The following TCOF1 variants were observed in gnomAD, a reference collection of about 807,000 sequenced individuals.
The protein encoded by TCOF1 is treacle protein.
TCOF1 carries 33 observed loss-of-function variants against 149.0 expected under a neutral mutation model. That is an observed-to-expected ratio of 0.22 (90% CI 0.17 to 0.30). The LOEUF (loss-of-function observed/expected upper bound fraction) is 0.30. TCOF1 is among the 10% of genes least tolerant of loss of function. TCOF1 has a pLI of 1.00. For synonymous variants in TCOF1, 789 were observed against 738.8 expected (o/e 1.07, Z -1.10); for missense variants, 1,728 against 1,840.7 (o/e 0.94, Z 1.12).
chr5:150,367,102 A>G (rs1445607887), intron 3 of TCOF1, among the ~76,000 whole-genome samples: 3 of 151,946 alleles, frequency 2.0e-5, no homozygotes, highest in Non-Finnish European at 4.4e-5. Flanking sequence ...TCAGGAGATC[A>G]AGACCATCCT....
At chr5:150,369,081 G>C (rs1473779805) in intron 5 of TCOF1, among the ~76,000 whole-genome samples, 179 bp downstream of exon 5, 1 of 152,252 alleles carries the variant, frequency 6.6e-6, no homozygotes, top group Non-Finnish European at 1.5e-5. Context: ...AGCTTACAGG[G>C]ACCTGGCCTC....
At chr5:150,375,233 C>A in intron 10 of TCOF1, 70 bp downstream of exon 10, 1 of 1,611,154 alleles carries the variant, frequency 6.2e-7, no homozygotes. Context: ...TTGACTTTTC[C>A]TCTCTGAACC....
intron 11 of TCOF1, 63 bp downstream of exon 11, chr5:150,375,617 G>A (rs1763594781): frequency 3.1e-6 from 5 of 1,612,692 alleles, no homozygotes; most frequent in Non-Finnish European, 4.2e-6. Context: ...GCTGCCTGTG[G>A]CCTCCCAACC....
chr5:150,368,837 C>T lies in TCOF1; in HGVS notation c.500C>T (p.Thr167Ile). Residue 167 changes from threonine (T) to isoleucine (I), a missense_variant, in exon 5 of 27, where the codon ACT becomes ATT. Thr to Ile is a moderately conservative substitution (Grantham distance 89). Coordinates refer to ENST00000643257, the MANE Select transcript of TCOF1 (RefSeq NM_001371623.1). ...PRKSAEPSAN[T>I]TLVSETEEEG... ...AAGTCAGCAGAGCCCTCAGCAAATA[C>T]TACGTTGGTCTCAGAAACTGAGGAG... The T allele has an allele frequency of 6.2e-7, 1 of 1,614,066 alleles. No homozygotes were observed. Among genetic ancestry groups the T allele is most frequent in the Non-Finnish European group, 8.5e-7 (1 of 1,180,032 alleles).
rs1320836271 is a variant in TCOF1, at chr5:150,376,554, G to A, written c.2274G>A (p.Lys758=). ...CAGTCACCCAGGTGAAAGCTGAAAA[G>A]CAGGAAGACTCTGAGAGCAGTGAGG... ...GPTVTQVKAE[K]QEDSESSEEE... Residue 758 remains lysine, a synonymous_variant, in exon 14 of 27, where the codon AAG becomes AAA. Transcript: ENST00000643257. 1.9e-6 allele frequency: 3 copies of A among 1,603,912 alleles called. No individual in the cohort carries two copies. The highest frequency in any genetic ancestry group is 1.3e-5 in the African/African-American group (1 of 74,672).
At chr5:150,397,542 G>A (rs1015480906) in intron 24 of TCOF1, among the ~76,000 whole-genome samples, 3 of 152,166 alleles carry the variant, frequency 2.0e-5, no homozygotes, top group South Asian at 2.1e-4. Context: ...GCTCGGGCTC[G>A]GAGAAGTAGA....
intron 23 of TCOF1, chr5:150,394,225 G>A (rs1180850772): frequency 6.5e-6 from 1 of 154,062 alleles, no homozygotes; most frequent in African/African-American, 2.4e-5. Context: ...ATAGGCTCAC[G>A]GTGTGGGCCT....
intron 14 of TCOF1, 67 bp from the exon 15 acceptor site, chr5:150,378,838 G>A (rs199540237): frequency 5.1e-5 from 82 of 1,610,962 alleles, no homozygotes; most frequent in Non-Finnish European, 6.8e-5. Flanking sequence ...TCCAGAGTCT[G>A]TATTCTTGGC....
At chr5:150,379,842 C>T (rs1011855894) in intron 17 of TCOF1, 110 bp downstream of exon 17, 3 of 1,345,672 alleles carry the variant, frequency 2.2e-6, no homozygotes, top group Admixed American at 2.0e-5. Context: ...GAGGCCGAGG[C>T]AGATGTATCA....
chr5:150,373,912 A>G (rs1024603476), intron 7 of TCOF1, among the ~76,000 whole-genome samples: 2 of 152,154 alleles, frequency 1.3e-5, no homozygotes, highest in South Asian at 2.1e-4. Flanking sequence ...GGTGTCTCTT[A>G]GGGAGCCAGA....
In TCOF1 at chr5:150,376,461, C is replaced by A. The variant is rs746764771; in HGVS notation, c.2181C>A (p.Ala727=). The change falls in exon 14 of 27, where the codon GCC becomes GCA. Residue 727 remains alanine, a synonymous_variant. Coordinates refer to ENST00000643257, the MANE Select transcript of TCOF1 (RefSeq NM_001371623.1). ...SVGKGLQVKA[A]SVPVKGSLGQ... is the part of the protein sequence containing the mutation. ...GGAAAGGCCTCCAGGTGAAAGCAGC[C>A]TCAGTGCCTGTCAAGGGGTCCTTGG... 8.1e-6 allele frequency: 13 copies of A among 1,614,108 alleles called. 1 individual carries two copies. In the Admixed American group the frequency reaches 1.0e-4, roughly 12 times the overall value.
At chr5:150,384,630 T>C in intron 17 of TCOF1, 1 of 985,442 alleles carries the variant, frequency 1.0e-6, no homozygotes, top group Non-Finnish European at 1.2e-6. Context: ...ACATCCTGCT[T>C]AAACTGAACC....
In TCOF1 at chr5:150,370,557, T is replaced by C. The variant is rs1383451803; in HGVS notation, c.639+955T>C. ...TTTTTGTGGAGACAGGGTTTCACCA[T>C]GTTGGCCAGGCTAGTCTCGAACTCC... On this transcript the variant is annotated intron_variant, in intron 6 of 26. Coordinates refer to ENST00000643257, the MANE Select transcript of TCOF1 (RefSeq NM_001371623.1). Among the ~76,000 whole-genome samples the C allele has an allele frequency of 3.9e-5, 6 of 152,104 alleles. No individual in the cohort carries two copies. The East Asian group carries it at 1.2e-3, about 30-fold the overall frequency.
intron 14 of TCOF1, 124 bp from the exon 15 acceptor site, chr5:150,378,781 A>T: frequency 7.2e-7 from 1 of 1,386,024 alleles, no homozygotes; most frequent in South Asian, 1.2e-5. Flanking sequence ...GCTCAGGTTC[A>T]CACGCCTATT....
chr5:150,386,430 C>T (rs1057503470), intron 17 of TCOF1, among the ~76,000 whole-genome samples: 6 of 152,158 alleles, frequency 3.9e-5, no homozygotes, highest in African/African-American at 1.4e-4. Context: ...AGTGGCAGAT[C>T]GGAGCAGCCG....
At chr5:150,384,590 T>A (rs1765894010) in intron 17 of TCOF1, 1 of 985,366 alleles carries the variant, frequency 1.0e-6, no homozygotes, top group Admixed American at 6.1e-5. Flanking sequence ...CCCCTTTCTC[T>A]GTGGGGGTGG....
chr5:150,383,035 G>A lies in TCOF1; in HGVS notation c.2859+3303G>A, dbSNP rs112447402. ...AGCAAATGCCCCACTCCCCGACCAC[G>A]TGCTTATCCAGGTCTTGTCCCCTCA... On this transcript the variant is annotated intron_variant, in intron 17 of 26. Coordinates refer to ENST00000643257, the MANE Select transcript of TCOF1 (RefSeq NM_001371623.1). The A allele has an allele frequency of 1.0e-2, 15,088 of 1,515,362 alleles. 136 individuals carry two copies. Among genetic ancestry groups the A allele is most frequent in the Middle Eastern group, 0.018 (109 of 5,896 alleles). The allele number at this position is 1,515,362 out of a possible 1,614,324, so 93.9% of individuals were successfully genotyped here.
At chr5:150,363,837 C>T (rs1490171474) in intron 2 of TCOF1, among the ~76,000 whole-genome samples, 1 of 152,148 alleles carries the variant, frequency 6.6e-6, no homozygotes, top group African/African-American at 2.4e-5. Context: ...TGGGTCAGCT[C>T]CTATCACTTA....
chr5:150,399,188 G>A lies in TCOF1; in HGVS notation c.*22+118G>A, dbSNP rs1034325852. The A allele has an allele frequency of 3.5e-6, 5 of 1,436,622 alleles. No homozygotes were observed. In the African/African-American group the frequency reaches 5.6e-5, roughly 16 times the overall value. The allele number at this position is 1,436,622 out of a possible 1,614,324, so 89.0% of individuals were successfully genotyped here. A position where few individuals can be genotyped will look rare whatever the true frequency, so the allele number is the denominator to read the frequency against. ...GGCTCTAAGGGGAAAGGAGGCTGGG[G>A]AAAGAGGTTCTGTTGCCAAGGGTCC... is the stretch of plus-strand genomic sequence containing the variant. On this transcript the variant is annotated intron_variant, in intron 26 of 26. Coordinates refer to ENST00000643257, the MANE Select transcript of TCOF1 (RefSeq NM_001371623.1).
Sources: gnomAD v4.1 joint callset for allele counts (sites outside exome capture counted in the v4.1 genomes callset) on GRCh38, gnomAD v4.1.1 for gene constraint, MANE v1.5 for transcripts, NCBI Gene and HGNC (gene_info 2026-07-23, HGNC 2026-07-21) for gene names.